The following MICU1 variants were observed in gnomAD, a reference collection of about 807,000 sequenced individuals.
The protein encoded by MICU1 is calcium uptake protein 1, mitochondrial.
In MICU1, 45 loss-of-function variants were observed where a neutral mutation model predicts 56.8. The ratio of observed to expected loss-of-function variants is 0.79; its 90% confidence interval spans 0.62 to 1.02. The LOEUF (loss-of-function observed/expected upper bound fraction) is 1.02. MICU1 is among the 50% of genes least tolerant of loss of function. MICU1 has a pLI of 0.00. For synonymous variants in MICU1, 186 were observed against 195.1 expected (o/e 0.95, Z 0.39); for missense variants, 504 against 587.1 (o/e 0.86, Z 1.46).
intron 10 of MICU1, among the ~76,000 whole-genome samples, chr10:72,392,564 C>G (rs1863114798): frequency 6.8e-6 from 1 of 147,132 alleles, no homozygotes; most frequent in South Asian, 2.1e-4. Flanking sequence ...GAGTGAGACC[C>G]TGTCTCAAAA....
At chr10:72,596,338 T>C (rs749605114) in intron 1 of MICU1, among the ~76,000 whole-genome samples, 3 of 151,926 alleles carry the variant, frequency 2.0e-5, no homozygotes, top group African/African-American at 7.3e-5. Flanking sequence ...CTCAGGAGAC[T>C]GAGACAGGAG....
At chr10:72,618,138 G>A (rs1026091806) in intron 1 of MICU1, among the ~76,000 whole-genome samples, 5 of 149,368 alleles carry the variant, frequency 3.3e-5, no homozygotes, top group Admixed American at 1.3e-4. Context: ...CTGCACTCCA[G>A]CCTGGTCAAC....
chr10:72,441,706 T>A (rs1864940440), intron 8 of MICU1, among the ~76,000 whole-genome samples: 1 of 149,078 alleles, frequency 6.7e-6, no homozygotes, highest in Non-Finnish European at 1.5e-5. Flanking sequence ...AACCTCTGCC[T>A]TCTGGGTTCA....
At chr10:72,597,878 G>T (rs1771881239) in intron 1 of MICU1, among the ~76,000 whole-genome samples, 1 of 152,174 alleles carries the variant, frequency 6.6e-6, no homozygotes, top group African/African-American at 2.4e-5. Context: ...CCAGTCACAT[G>T]AGGTTAGGTG....
chr10:72,507,633 A>T (rs1402714829), intron 6 of MICU1, among the ~76,000 whole-genome samples: 2 of 152,082 alleles, frequency 1.3e-5, no homozygotes, highest in Non-Finnish European at 2.9e-5. Context: ...GGTAGATGTC[A>T]CTTCTTAGTT....
At chr10:72,376,844 A>G (rs1319329268) in intron 10 of MICU1, among the ~76,000 whole-genome samples, 3 of 151,774 alleles carry the variant, frequency 2.0e-5, no homozygotes, top group Admixed American at 1.3e-4. Context: ...ATATTTAAAA[A>G]TGGTTATAAT....
intron 6 of MICU1, among the ~76,000 whole-genome samples, chr10:72,503,572 A>G (rs1216043166): frequency 6.6e-6 from 1 of 152,162 alleles, no homozygotes; most frequent in East Asian, 1.9e-4. Context: ...AAGAGTGAGA[A>G]ATCCTAAAGG....
intron 6 of MICU1, among the ~76,000 whole-genome samples, chr10:72,499,401 C>G (rs572833503): frequency 1.2e-4 from 18 of 152,148 alleles, no homozygotes; most frequent in Non-Finnish European, 1.6e-4. Context: ...TTGACAGAAG[C>G]TGCATTATCA....
At chr10:72,521,609 C>A (rs1447952894) in intron 5 of MICU1, among the ~76,000 whole-genome samples, 3 of 152,056 alleles carry the variant, frequency 2.0e-5, no homozygotes, top group Non-Finnish European at 4.4e-5. Context: ...AGAGAAGTCA[C>A]ATAAGTAGCC....
intron 6 of MICU1, among the ~76,000 whole-genome samples, chr10:72,492,021 T>C (rs545547884): frequency 2.0e-5 from 3 of 152,318 alleles, no homozygotes; most frequent in South Asian, 4.1e-4. Context: ...GAATTAGCAG[T>C]AATTAGAGTA....
chr10:72,548,418 G>C (rs1295466716), intron 4 of MICU1, among the ~76,000 whole-genome samples: 1 of 152,124 alleles, frequency 6.6e-6, no homozygotes, highest in South Asian at 2.1e-4. Context: ...TGCTATTAAG[G>C]AATAACTGCT....
intron 8 of MICU1, among the ~76,000 whole-genome samples, chr10:72,430,709 C>T (rs1016542372): frequency 9.9e-5 from 15 of 152,072 alleles, no homozygotes; most frequent in African/African-American, 1.9e-4. Context: ...TACAGGCATG[C>T]GCCACCACGC....
intron 6 of MICU1, among the ~76,000 whole-genome samples, chr10:72,500,945 T>C (rs781719982): frequency 5.3e-5 from 8 of 152,192 alleles, no homozygotes; most frequent in African/African-American, 1.2e-4. Context: ...AATGTTCCAG[T>C]TGGTTAGTGC....
Position 72,475,195 on chromosome 10 carries a change from T to C in MICU1, c.838A>G (p.Thr280Ala). 1.2e-6 allele frequency: 2 copies of C among 1,611,248 alleles called. No individual in the cohort carries two copies. Among genetic ancestry groups the C allele is most frequent in the South Asian group, 2.2e-5 (2 of 90,362 alleles). The change falls in exon 8 of 12, where the codon ACC becomes GCC. Residue 280 changes from threonine to alanine, a missense_variant. Thr to Ala is a moderately conservative substitution (Grantham distance 58). Transcript: ENST00000361114. ...TTCAGATCAGCTCCAAAAAAGTAGGTTGTGAGGGCTGAACACAAGCCAGAC... is the reference window on the plus strand; with the variant it reads ...TTCAGATCAGCTCCAAAAAAGTAGGCTGTGAGGGCTGAACACAAGCCAGAC... The part of the protein sequence containing the change: ...LKSGLCSALT[T>A]YFFGADLKGK...
At chr10:72,379,738 C>T (rs1414232106) in intron 10 of MICU1, among the ~76,000 whole-genome samples, 1 of 152,186 alleles carries the variant, frequency 6.6e-6, no homozygotes, top group Non-Finnish European at 1.5e-5. Flanking sequence ...GATGCCATCT[C>T]TTCACAGAAA....
At position 72,541,004 on chromosome 10, in the gene MICU1, A is replaced by T. The variant is rs528922012; in HGVS notation, c.494-7215T>A. On this transcript the variant is annotated intron_variant, in intron 4 of 11. Coordinates refer to ENST00000361114, the MANE Select transcript of MICU1 (RefSeq NM_001195518.2). ...TAATTAGACAACCTCTAGCCTATCT[A>T]CAGAGCTCAGCTGAGAGCAGCAGAG... Among the ~76,000 whole-genome samples, 17 of 152,356 alleles carry T rather than the reference A, an allele frequency of 1.1e-4. No individual in the cohort carries two copies. In the South Asian group the frequency reaches 3.5e-3, roughly 32 times the overall value.
At chr10:72,424,224 T>C (rs905718555) in intron 8 of MICU1, among the ~76,000 whole-genome samples, 1 of 152,038 alleles carries the variant, frequency 6.6e-6, no homozygotes, top group African/African-American at 2.4e-5. Context: ...GCGATTCTCC[T>C]GTCTCAGCCT....
chr10:72,370,212 C>T (rs1862287548), intron 11 of MICU1, among the ~76,000 whole-genome samples: 1 of 152,030 alleles, frequency 6.6e-6, no homozygotes, highest in Admixed American at 6.6e-5. Flanking sequence ...ACCCAAGCCA[C>T]ACAGAACAGT....
intron 1 of MICU1, among the ~76,000 whole-genome samples, chr10:72,577,784 T>C (rs1589360885): frequency 6.6e-6 from 1 of 152,114 alleles, no homozygotes; most frequent in South Asian, 2.1e-4. Context: ...ATGGCAAAAC[T>C]TGAATGGATG....
Sources: allele counts gnomAD v4.1 joint callset (sites outside exome capture counted in the v4.1 genomes callset), GRCh38; gene constraint gnomAD v4.1.1; transcripts MANE v1.5; gene names NCBI Gene and HGNC (gene_info 2026-07-23, HGNC 2026-07-21).